Variants in RGS8 observed in about 807,000 individuals in gnomAD.
RGS8 encodes the protein regulator of G protein signaling 8.
RGS8 carries 8 observed loss-of-function variants against 21.7 expected under a neutral mutation model. That is an observed-to-expected ratio of 0.37 (90% CI 0.22 to 0.66). The LOEUF is 0.66. Among genes scored for constraint, RGS8 ranks in the 30% least tolerant of loss-of-function variants. The pLI, the probability that RGS8 is intolerant of heterozygous loss-of-function variation, is 0.59. For synonymous variants in RGS8, 80 were observed against 83.6 expected (o/e 0.96, Z 0.24); for missense variants, 157 against 217.9 (o/e 0.72, Z 1.76).
rs543885268 is a variant in RGS8 at position 182,652,638 on chromosome 1, A to G, written c.194-4335T>C. On this transcript the variant is annotated intron_variant, in intron 5 of 6. Coordinates refer to ENST00000483095, the Ensembl canonical transcript of RGS8. Reference sequence around the variant, plus strand: ...GACTCAGGCTATGCTATGTGCTAAAAGCAGATATAATCGTGACTTCACAGA... The same window carrying G: ...GACTCAGGCTATGCTATGTGCTAAAGGCAGATATAATCGTGACTTCACAGA... 2.5e-4 allele frequency among the ~76,000 whole-genome samples: 38 copies of G among 152,394 alleles called. 1 individual carries two copies. In the South Asian group the frequency reaches 6.8e-3, roughly 27 times the overall value.
chr1:182,721,767 C>A, the RGS8 span, among the ~76,000 whole-genome samples: 103 of 152,286 alleles, frequency 6.8e-4, no homozygotes, highest in African/African-American at 2.5e-3. Flanking sequence ...GAGTTCATAT[C>A]ATGACATGAA....
chr1:182,671,879 C>A (rs1664181691), exon 1 of RGS8: 5 of 1,499,106 alleles, frequency 3.3e-6, no homozygotes, highest in African/African-American at 2.8e-5. Context: ...CAGCAAGCGG[C>A]CCCACTGAAA....
At chr1:182,741,745 G>T in the RGS8 span, among the ~76,000 whole-genome samples, 1 of 105,986 alleles carries the variant, frequency 9.4e-6, no homozygotes, top group East Asian at 2.6e-4. Flanking sequence ...GGCTGGCTGG[G>T]CGGGGGGCTG....
At chr1:182,715,165 G>A in the RGS8 span, among the ~76,000 whole-genome samples, 6 of 152,286 alleles carry the variant, frequency 3.9e-5, no homozygotes, top group East Asian at 5.8e-4. Flanking sequence ...TTATTGTAAC[G>A]TATAAGAGGA....
the RGS8 span, among the ~76,000 whole-genome samples, chr1:182,735,157 A>T: frequency 2.6e-5 from 4 of 152,368 alleles, no homozygotes; most frequent in African/African-American, 9.6e-5. Flanking sequence ...TATACTGGGC[A>T]GTGCAGTCCT....
chr1:182,663,984 A>G (rs1176664906), intron 5 of RGS8, among the ~76,000 whole-genome samples: 1 of 152,182 alleles, frequency 6.6e-6, no homozygotes, highest in African/African-American at 2.4e-5. Flanking sequence ...GTAACTCCTT[A>G]TCAGAGTCTC....
the RGS8 span, among the ~76,000 whole-genome samples, chr1:182,701,648 C>A: frequency 1.3e-5 from 2 of 152,116 alleles, no homozygotes; most frequent in African/African-American, 2.4e-5. Context: ...TGTATCCAGC[C>A]GCCTGGAAAA....
chr1:182,749,306 A>C, the RGS8 span, among the ~76,000 whole-genome samples: 4 of 152,200 alleles, frequency 2.6e-5, no homozygotes, highest in African/African-American at 9.6e-5. Context: ...TTAATTCTCC[A>C]TGTGGATATC....
At chr1:182,709,974 A>G in the RGS8 span, among the ~76,000 whole-genome samples, 1 of 152,204 alleles carries the variant, frequency 6.6e-6, no homozygotes, top group Admixed American at 6.5e-5. Context: ...CGCTGTCAGA[A>G]TTAGTCAACT....
At position 182,684,014 on chromosome 1, in the gene RGS8, G is replaced by A. The variant is rs1300075073; in HGVS notation, n.221+342C>T. On this transcript the variant is annotated intron_variant and non_coding_transcript_variant, in intron 1 of 4. Coordinates refer to the RGS8 transcript ENST00000515211. The surrounding 1 kb of genome is among the most constrained non-coding windows in gnomAD (Gnocchi z 4.2). ...CTACAATATTTTCAGAGCCCCCTAAGGGAGCTGAGGGAAGAAACAGGATCA... is the reference window on the plus strand; with the variant it reads ...CTACAATATTTTCAGAGCCCCCTAAAGGAGCTGAGGGAAGAAACAGGATCA... Among the ~76,000 whole-genome samples, 1 of 152,218 alleles carries A rather than the reference G, an allele frequency of 6.6e-6. No individual in the cohort carries two copies. The highest frequency in any genetic ancestry group is 1.5e-5 in the Non-Finnish European group (1 of 68,032).
exon 7 of RGS8, chr1:182,646,588 G>T: frequency 1.5e-6 from 1 of 689,594 alleles, no homozygotes. Context: ...GTCATACTTT[G>T]GAATGGCCCT....
intron 5 of RGS8, among the ~76,000 whole-genome samples, chr1:182,653,713 TA>T (rs933876467): frequency 6.6e-6 from 1 of 151,844 alleles, no homozygotes; most frequent in African/African-American, 2.4e-5. Context: ...AAAATAAAAA[TA>T]AAAGAGATAG....
At chr1:182,725,628 TG>T in the RGS8 span, among the ~76,000 whole-genome samples, 1 of 151,680 alleles carries the variant, frequency 6.6e-6, no homozygotes, top group East Asian at 1.9e-4. Flanking sequence ...ATCCTAGGAG[TG>T]GGGACAAGGA....
upstream of RGS8, among the ~76,000 whole-genome samples, chr1:182,689,200 A>T (rs1664767718): frequency 6.6e-6 from 1 of 151,818 alleles, no homozygotes; most frequent in East Asian, 1.9e-4. Flanking sequence ...GAAATGTAAG[A>T]TCTAAATCTC....
At chr1:182,741,430 C>G in the RGS8 span, among the ~76,000 whole-genome samples, 1 of 132,398 alleles carries the variant, frequency 7.6e-6, no homozygotes, top group Non-Finnish European at 1.6e-5. Flanking sequence ...ACCTCCCTCC[C>G]GGACAGGGCG....
the RGS8 span, among the ~76,000 whole-genome samples, chr1:182,691,337 T>C: frequency 1.5e-4 from 23 of 152,266 alleles, no homozygotes; most frequent in South Asian, 1.9e-3. Context: ...ACTTCATTTC[T>C]AGTATCAAAG....
chr1:182,680,785 G>A (rs1664511841), intron 1 of RGS8, among the ~76,000 whole-genome samples: 1 of 152,210 alleles, frequency 6.6e-6, no homozygotes, highest in South Asian at 2.1e-4. Context: ...CCGGCAACAG[G>A]AAAAGGCTCA....
chr1:182,741,176 G>A, the RGS8 span, among the ~76,000 whole-genome samples: 2 of 144,238 alleles, frequency 1.4e-5, no homozygotes, highest in East Asian at 2.2e-4. Flanking sequence ...GGCTGGCCGG[G>A]TGGGGGGCTG....
At chr1:182,743,831 G>A in the RGS8 span, among the ~76,000 whole-genome samples, 1 of 152,072 alleles carries the variant, frequency 6.6e-6, no homozygotes, top group Non-Finnish European at 1.5e-5. Flanking sequence ...CAACACACAT[G>A]CATATAGACA....
Sources: gnomAD v4.1 joint callset for allele counts (sites outside exome capture counted in the v4.1 genomes callset) on GRCh38, gnomAD v4.1.1 for gene constraint, Gnocchi (gnomAD v3.1) non-coding constraint, MANE v1.5 for transcripts, NCBI Gene and HGNC (gene_info 2026-07-23, HGNC 2026-07-21) for gene names.